DGKB: variants seen among roughly 807,000 people sequenced by gnomAD.
DGKB encodes the protein 90 kDa diacylglycerol kinase.
In DGKB, 67 loss-of-function variants were observed where a neutral mutation model predicts 114.3. The observed-to-expected ratio is 0.59, with a 90% confidence interval of 0.48 to 0.72. The LOEUF (loss-of-function observed/expected upper bound fraction) is 0.72. Ranked by LOEUF, DGKB falls within the 30% of genes least tolerant of loss-of-function variation. DGKB has a pLI of 0.00. For synonymous variants in DGKB, 398 were observed against 323.1 expected (o/e 1.23, Z -2.49); for missense variants, 907 against 975.2 (o/e 0.93, Z 0.93).
At chr7:14,353,843 G>T (rs1249060246) in intron 21 of DGKB, among the ~76,000 whole-genome samples, 1 of 152,202 alleles carries the variant, frequency 6.6e-6, no homozygotes, top group South Asian at 2.1e-4. Flanking sequence ...CTTGTGCCAA[G>T]ATATGCAGAT....
intron 9 of DGKB, among the ~76,000 whole-genome samples, chr7:14,688,102 C>T (rs1822037840): frequency 1.3e-5 from 2 of 152,184 alleles, no homozygotes; most frequent in East Asian, 1.9e-4. Flanking sequence ...CTCCAACTCT[C>T]TATTTTCATG....
At chr7:14,406,605 TA>T (rs1168020553) in intron 21 of DGKB, among the ~76,000 whole-genome samples, 1 of 151,966 alleles carries the variant, frequency 6.6e-6, no homozygotes, top group East Asian at 1.9e-4. Context: ...TGTTTCTATT[TA>T]AAAAAACATG....
intron 2 of DGKB, among the ~76,000 whole-genome samples, chr7:14,765,450 T>G (rs1162125897): frequency 1.3e-5 from 2 of 152,042 alleles, no homozygotes; most frequent in African/African-American, 2.4e-5. Flanking sequence ...AAAATTTCCT[T>G]TCTCCTTTTC....
chr7:14,748,473 A>G (rs1156529230), intron 4 of DGKB, among the ~76,000 whole-genome samples: 3 of 152,186 alleles, frequency 2.0e-5, no homozygotes, highest in South Asian at 2.1e-4. Context: ...GAAGACAGCT[A>G]GTACAATGGC....
chr7:14,860,133 T>G (rs1850757432), intron 1 of DGKB, among the ~76,000 whole-genome samples: 2 of 152,076 alleles, frequency 1.3e-5, no homozygotes, highest in Admixed American at 1.3e-4. Context: ...AACAACAATA[T>G]GCCAAGTATT....
chr7:14,201,871 G>C (rs776704213), intron 23 of DGKB, among the ~76,000 whole-genome samples: 14 of 151,974 alleles, frequency 9.2e-5, no homozygotes, highest in Non-Finnish European at 1.8e-4. Context: ...ACCTGGCACA[G>C]AGCAGACAAT....
At chr7:14,962,236 A>AT (rs1408038866) in intron 1 of DGKB, among the ~76,000 whole-genome samples, 3 of 152,112 alleles carry the variant, frequency 2.0e-5, no homozygotes, top group African/African-American at 7.2e-5. Context: ...TCTGAGTACC[A>AT]TTTCTTCAAT....
chr7:14,149,139 T>C lies in DGKB; in HGVS notation c.2404A>G (p.Lys802Glu), dbSNP rs954854297. The C allele has an allele frequency of 1.2e-6, 2 of 1,613,292 alleles. No homozygotes were observed. The highest frequency in any genetic ancestry group is 4.5e-5 in the East Asian group (2 of 44,870). The part of the protein sequence containing the change: ...SLVKRTRNRS[K>E]E The stretch of plus-strand genomic sequence containing the variant: ...AGTGAAACAACACAGGATTATTCCT[T>C]GCTTCGGTTTCTTGTCCTTTTGACG... The change falls in exon 26 of 26, where the codon AAG becomes GAG. Residue 802 changes from lysine (K) to glutamate (E), a missense_variant. Physicochemically the swap from Lys to Glu is moderately conservative, Grantham distance 56. Transcript: ENST00000402815.
At chr7:14,962,904 T>C (rs1339901711) in intron 1 of DGKB, among the ~76,000 whole-genome samples, 1 of 152,090 alleles carries the variant, frequency 6.6e-6, no homozygotes, top group African/African-American at 2.4e-5. Context: ...ATAAACTATA[T>C]TGACTCATTA....
chr7:14,865,352 G>A (rs1851556929), intron 1 of DGKB, among the ~76,000 whole-genome samples: 1 of 152,180 alleles, frequency 6.6e-6, no homozygotes, highest in African/African-American at 2.4e-5. Context: ...GAGTACTCAA[G>A]GTATTTCTTC....
chr7:14,539,805 C>T (rs1360131129), intron 20 of DGKB, among the ~76,000 whole-genome samples: 2 of 152,058 alleles, frequency 1.3e-5, no homozygotes, highest in African/African-American at 4.8e-5. Flanking sequence ...TGTATTTTAT[C>T]ACAAACTAAA....
At chr7:14,720,334 G>T (rs533247850) in intron 5 of DGKB, among the ~76,000 whole-genome samples, 2 of 151,542 alleles carry the variant, frequency 1.3e-5, no homozygotes, top group Admixed American at 6.6e-5. Context: ...ATGGAGTCTC[G>T]CTCTGTAACC....
intron 13 of DGKB, among the ~76,000 whole-genome samples, chr7:14,639,119 T>C (rs1227612542): frequency 6.6e-6 from 1 of 152,032 alleles, no homozygotes; most frequent in Non-Finnish European, 1.5e-5. Flanking sequence ...GTGGGGAGAA[T>C]GGGCTCATAC....
chr7:14,152,517 T>C (rs1782370746), intron 25 of DGKB, among the ~76,000 whole-genome samples: 1 of 152,018 alleles, frequency 6.6e-6, no homozygotes, highest in Admixed American at 6.6e-5. Flanking sequence ...CCTATAAAAC[T>C]CTTCCTTCTC....
chr7:14,970,784 G>A (rs529673909), intron 1 of DGKB, among the ~76,000 whole-genome samples: 16 of 152,114 alleles, frequency 1.1e-4, no homozygotes, highest in African/African-American at 3.4e-4. Flanking sequence ...AATACACTGC[G>A]TAGTATTCTT....
chr7:14,205,101 A>C (rs1287205820), intron 23 of DGKB, among the ~76,000 whole-genome samples: 1 of 151,964 alleles, frequency 6.6e-6, no homozygotes, highest in African/African-American at 2.4e-5. Flanking sequence ...TATAACAGCT[A>C]GGAAAATGTG....
chr7:14,737,283 ATTTTTTTT>A (rs11348925), intron 4 of DGKB, among the ~76,000 whole-genome samples: 18 of 82,508 alleles, frequency 2.2e-4, no homozygotes, highest in South Asian at 5.4e-4. Context: ...TTGAAGGCCA[ATTTTTTTT>A]TTTTTTTTTT....
At chr7:14,589,804 T>A (rs1166552247) in intron 17 of DGKB, among the ~76,000 whole-genome samples, 1 of 152,124 alleles carries the variant, frequency 6.6e-6, no homozygotes, top group East Asian at 1.9e-4. Context: ...TAATATTTTG[T>A]TTAGAAATTT....
At chr7:14,961,524 T>A (rs1786842178) in intron 1 of DGKB, among the ~76,000 whole-genome samples, 1 of 152,130 alleles carries the variant, frequency 6.6e-6, no homozygotes. Context: ...GAGAACCACC[T>A]GCCCAGATCT....
Sources: gnomAD v4.1 joint callset for allele counts (sites outside exome capture counted in the v4.1 genomes callset) on GRCh38, gnomAD v4.1.1 for gene constraint, MANE v1.5 for transcripts, NCBI Gene and HGNC (gene_info 2026-07-23, HGNC 2026-07-21) for gene names.